The following ANXA2 variants were observed in gnomAD, a reference collection of about 807,000 sequenced individuals.
ANXA2 encodes annexin A2.
A neutral mutation model predicts 47.3 loss-of-function variants in ANXA2; 28 were observed. The observed-to-expected ratio is 0.59, with a 90% CI of 0.44 to 0.81. The LOEUF (loss-of-function observed/expected upper bound fraction) is 0.81, where lower values mean the gene tolerates loss of function less well. ANXA2 is among the 40% of genes least tolerant of loss of function. The probability of loss-of-function intolerance (pLI) is 0.00; values close to 1 mark genes in which losing one functional copy is unlikely to be tolerated. For synonymous variants in ANXA2, 172 were observed against 155.5 expected (o/e 1.11, Z -0.79); for missense variants, 384 against 414.3 (o/e 0.93, Z 0.64).
In ANXA2 at chr15:60,367,573, G is replaced by T. The variant is rs1480287539; in HGVS notation, c.149-3050C>A. 3.9e-4 allele frequency among the ~76,000 whole-genome samples: 25 copies of T among 64,918 alleles called. 1 individual carries two copies. The highest frequency in any genetic ancestry group is 1.5e-3 in the African/African-American group (19 of 12,536). 42.6% of individuals were successfully genotyped at this position (64,918 alleles called of 152,430 possible). A position where few individuals can be genotyped will look rare whatever the true frequency, so the allele number is the denominator to read the frequency against. ...GTCCGGGAGGGAGGTGGGGGGGACA[G>T]CCCCCCGCCCGGCCAGCCGCCCTAT... is the stretch of plus-strand genomic sequence containing the variant. On this transcript the variant is annotated intron_variant, in intron 3 of 12. Coordinates refer to ENST00000451270, the MANE Select transcript of ANXA2 (RefSeq NM_004039.3).
chr15:60,355,561 A>T (rs2062414357), intron 7 of ANXA2: 1 of 360,606 alleles, frequency 2.8e-6, no homozygotes, highest in African/African-American at 2.1e-5. Flanking sequence ...AACGCAGTGA[A>T]AAAGAAACCA....
chr15:60,354,912 A>G (rs993728609), intron 7 of ANXA2, among the ~76,000 whole-genome samples: 25 of 152,172 alleles, frequency 1.6e-4, no homozygotes, highest in African/African-American at 5.8e-4. Flanking sequence ...AAGACACAAA[A>G]TGCGGGCGGA....
At chr15:60,365,546 AGAG>A (rs1186746338) in intron 3 of ANXA2, among the ~76,000 whole-genome samples, 1 of 152,228 alleles carries the variant, frequency 6.6e-6, no homozygotes, top group Non-Finnish European at 1.5e-5. Flanking sequence ...GAAGAAAATC[AGAG>A]GAGTCCTGAA....
In ANXA2 at chr15:60,347,341, T is replaced by C; in HGVS notation, c.*289A>G. ...GGCCACAAAGTACGTGTTTCTAAAG[T>C]ACAAATTCAGTTTATTCATCTGTTT... On this transcript the variant is annotated 3_prime_UTR_variant, in exon 13 of 13. Transcript: ENST00000451270. 2.2e-6 allele frequency: 1 copy of C among 454,756 alleles called. No homozygotes were observed. 28.2% of individuals were successfully genotyped at this position (454,756 alleles called of 1,614,324 possible). A position where few individuals can be genotyped will look rare whatever the true frequency, so the allele number is the denominator to read the frequency against.
intron 3 of ANXA2, among the ~76,000 whole-genome samples, chr15:60,368,823 T>G (rs902471537): frequency 1.3e-5 from 2 of 152,196 alleles, no homozygotes; most frequent in African/African-American, 4.8e-5. Flanking sequence ...GTGACTTCAC[T>G]TCAAGAGAGT....
intron 1 of ANXA2, chr15:60,392,970 G>T: frequency 8.6e-7 from 1 of 1,165,720 alleles, no homozygotes; most frequent in Non-Finnish European, 1.1e-6. Flanking sequence ...AAAATGTACT[G>T]GGTGAGGAGA....
At chr15:60,355,543 G>A (rs1447688618) in intron 7 of ANXA2, 1 of 338,986 alleles carries the variant, frequency 2.9e-6, no homozygotes, top group Non-Finnish European at 5.7e-6. Flanking sequence ...ATTCTTCCAT[G>A]AGAAGTAAAC....
At chr15:60,368,880 G>A (rs1297068117) in intron 3 of ANXA2, among the ~76,000 whole-genome samples, 2 of 152,180 alleles carry the variant, frequency 1.3e-5, no homozygotes, top group Admixed American at 1.3e-4. Context: ...AGTATGCATG[G>A]TAATTAGGAA....
At chr15:60,353,255 T>C (rs1452587338) in intron 8 of ANXA2, among the ~76,000 whole-genome samples, 1 of 152,192 alleles carries the variant, frequency 6.6e-6, no homozygotes, top group East Asian at 1.9e-4. Context: ...TGAATAAGCT[T>C]AACAAATAGT....
At chr15:60,366,807 G>A (rs1290335590) in intron 3 of ANXA2, among the ~76,000 whole-genome samples, 5 of 123,992 alleles carry the variant, frequency 4.0e-5, no homozygotes, top group Non-Finnish European at 7.1e-5. Flanking sequence ...GGAGGCGGGG[G>A]GGGGGGGGGT....
Position 60,349,189 on chromosome 15 carries a change from C to T in ANXA2, c.846G>A (p.Gly282=). 2 of 1,613,936 alleles carry T rather than the reference C, an allele frequency of 1.2e-6. No homozygotes were observed. Among genetic ancestry groups the T allele is most frequent in the Non-Finnish European group, 1.7e-6 (2 of 1,179,868 alleles). Residue 282 remains glycine (G), a synonymous_variant, in exon 12 of 13, where the codon GGG becomes GGA. Transcript: ENST00000451270. ...DRLYDSMKGK[G]TRDKVLIRIM... ...TTCTGATCAGGACCTTATCTCGCGT[C>T]CCCTTGCCCTGAAAATCAAGTTGAT...
chr15:60,354,634 A>G (rs567581185), intron 7 of ANXA2, among the ~76,000 whole-genome samples: 5 of 150,828 alleles, frequency 3.3e-5, no homozygotes, highest in South Asian at 2.1e-4. Context: ...AAAAAAAAAA[A>G]AAAGAAAGAA....
At chr15:60,359,920 G>C (rs1400580162) in intron 5 of ANXA2, among the ~76,000 whole-genome samples, 1 of 152,220 alleles carries the variant, frequency 6.6e-6, no homozygotes, top group African/African-American at 2.4e-5. Flanking sequence ...ATGTGTTGCA[G>C]TACAACATAC....
intron 7 of ANXA2, among the ~76,000 whole-genome samples, chr15:60,354,637 AGAAAGAAAG>A (rs1566931415): frequency 6.9e-6 from 1 of 145,290 alleles, no homozygotes; most frequent in African/African-American, 2.5e-5. Context: ...AAAAAAAAAA[AGAAAGAAAG>A]AAAAGAAAAA....
intron 5 of ANXA2, among the ~76,000 whole-genome samples, chr15:60,359,577 T>C (rs1386795674): frequency 6.6e-6 from 1 of 152,174 alleles, no homozygotes; most frequent in African/African-American, 2.4e-5. Flanking sequence ...GCTGAAGAAC[T>C]AAAGGAAGAA....
intron 4 of ANXA2, among the ~76,000 whole-genome samples, chr15:60,361,865 G>A (rs941289820): frequency 6.6e-5 from 10 of 151,372 alleles, no homozygotes; most frequent in African/African-American, 2.4e-4. Flanking sequence ...AATCATGGCT[G>A]ATGACTGAAG....
At chr15:60,382,308 A>T in intron 3 of ANXA2, 34 bp downstream of exon 3, 1 of 1,535,610 alleles carries the variant, frequency 6.5e-7, no homozygotes, top group Non-Finnish European at 9.0e-7. Flanking sequence ...TCTCAGTAAG[A>T]CCCTGACAAG....
chr15:60,374,076 T>C (rs1223992627), intron 3 of ANXA2, among the ~76,000 whole-genome samples: 1 of 152,236 alleles, frequency 6.6e-6, no homozygotes. Context: ...AAGTGTAGTT[T>C]AGCTAAGTGC....
In ANXA2 at chr15:60,349,180, A is replaced by G; in HGVS notation, c.855T>C (p.Asp285=). 1 of 1,614,036 alleles carries G rather than the reference A, an allele frequency of 6.2e-7. No homozygotes were observed. Among genetic ancestry groups the G allele is most frequent in the East Asian group, 2.2e-5 (1 of 44,888 alleles). ...YDSMKGKGTR[D]KVLIRIMVSR... is the part of the protein sequence containing the mutation. ...AGACCATGATTCTGATCAGGACCTT[A>G]TCTCGCGTCCCCTTGCCCTGAAAAT... The change falls in exon 12 of 13, where the codon GAT becomes GAC. Residue 285 remains aspartate (D), a synonymous_variant. Transcript: ENST00000451270.
Sources: gnomAD v4.1 joint callset for allele counts (sites outside exome capture counted in the v4.1 genomes callset) on GRCh38, gnomAD v4.1.1 for gene constraint, MANE v1.5 for transcripts, NCBI Gene and HGNC (gene_info 2026-07-23, HGNC 2026-07-21) for gene names.